Variants in COL6A3 observed in about 807,000 individuals in gnomAD.
COL6A3 encodes collagen alpha-3(VI) chain.
Under a neutral mutation model 274.1 loss-of-function variants are expected in COL6A3, and 137 were observed. That is an observed-to-expected ratio of 0.50 (90% CI 0.44 to 0.58). COL6A3 has a LOEUF of 0.58. COL6A3 is among the 20% of genes least tolerant of loss of function. The pLI is 0.00. For synonymous variants in COL6A3, 1,650 were observed against 1,650.6 expected, an observed-to-expected ratio of 1.00 and a Z score of 0.01; for missense variants, 3,950 against 4,124.9, an observed-to-expected ratio of 0.96 and a Z score of 1.16.
At chr2:237,338,282 C>G (rs1055690662) in intron 39 of COL6A3, among the ~76,000 whole-genome samples, 14 of 152,166 alleles carry the variant, frequency 9.2e-5, no homozygotes, top group Non-Finnish European at 1.3e-4. Flanking sequence ...CAAACCCAAG[C>G]TAGCCTGCTG....
chr2:237,351,005 G>T, intron 27 of COL6A3, 125 bp downstream of exon 27: 2 of 879,414 alleles, frequency 2.3e-6, no homozygotes, highest in Non-Finnish European at 3.8e-6. Context: ...ATCAACAGGG[G>T]AGGCTGGAGT....
chr2:237,367,089 T>C lies in COL6A3; in HGVS notation c.5098A>G (p.Arg1700Gly), dbSNP rs775672241. 8 of 1,614,236 alleles carry C rather than the reference T, an allele frequency of 5.0e-6. No individual in the cohort carries two copies. The South Asian group carries it at 8.8e-5, about 18-fold the overall frequency. Residue 1700 changes from arginine (R) to glycine (G), a missense_variant, in exon 11 of 44, where the codon AGG becomes GGG. By Grantham distance (125) the Arg-to-Gly change is moderately radical. This residue lies in a region of COL6A3 where 632 missense variants were observed against 623.4 expected (regional missense o/e 1.01). Transcript: ENST00000295550. The part of the protein sequence containing the change: ...EFFLKDFSTK[R>G]QIIDAINKVV... ...TTGTTGATGGCGTCAATAATCTGCC[T>C]CTTGGTAGAGAAGTCCTTCAGGAAG... is the stretch of plus-strand genomic sequence containing the variant.
Position 237,354,932 on chromosome 2 carries a change from A to C in COL6A3, c.6594T>G (p.Gly2198=). ...CGGGGGGTCCCCTTCGGCCAAAGCC[A>C]CCCTGTGGAAGAAAAAGTCCCACAA... The part of the protein sequence containing the change: ...PGGPGETGKN[G]GFGRRGPPGA... The change falls in exon 24 of 44, where the codon GGT becomes GGG. Residue 2198 remains glycine, a splice_region_variant and synonymous_variant. Coordinates refer to ENST00000295550, the MANE Select transcript of COL6A3 (RefSeq NM_004369.4). The C allele has an allele frequency of 6.2e-7, 1 of 1,613,742 alleles. No individual in the cohort carries two copies. The highest frequency in any genetic ancestry group is 8.5e-7 in the Non-Finnish European group (1 of 1,179,852).
chr2:237,355,962 G>C (rs1035199709), intron 23 of COL6A3, among the ~76,000 whole-genome samples: 1 of 152,150 alleles, frequency 6.6e-6, no homozygotes, highest in Non-Finnish European at 1.5e-5. Context: ...GGCCGCCTGC[G>C]GAGACTCTAG....
Position 237,340,741 on chromosome 2 carries a change from A to T in COL6A3, c.8175T>A (p.Asn2725Lys). The T allele has an allele frequency of 6.2e-7, 1 of 1,614,106 alleles. No individual in the cohort carries two copies. Among genetic ancestry groups the T allele is most frequent in the Non-Finnish European group, 8.5e-7 (1 of 1,180,024 alleles). ...GTGGGTTTGGGGCACTTTCAAAGAC[A>T]TTCTCTATGGTGTATTCAATGGCAC... ...LGSAIEYTIE[N>K]VFESAPNPRD... The change falls in exon 38 of 44, where the codon AAT (asparagine) becomes AAA (lysine). Residue 2725 changes from asparagine (N) to lysine (K), a missense_variant. Physicochemically the swap from Asn to Lys is moderately conservative, Grantham distance 94. Transcript: ENST00000295550.
chr2:237,336,393 G>A lies in COL6A3; in HGVS notation c.8707C>T (p.Pro2903Ser). The change falls in exon 40 of 44, where the codon CCA becomes TCA. Residue 2903 changes from proline to serine, a missense_variant. This residue lies in a region of COL6A3 where 1,284 missense variants were observed against 1,349.7 expected (regional missense o/e 0.95). Transcript: ENST00000295550. Reference protein sequence around the residue: ...TTKPVTIINQPSVKPAAAKPA... With the variant: ...TTKPVTIINQSSVKPAAAKPA... ...TTTGCAGCGGCTGGCTTCACAGATG[G>A]CTGATTTATAATAGTCACAGGCTTT... 6.2e-7 allele frequency: 1 copy of A among 1,614,238 alleles called. No homozygotes were observed. The highest frequency in any genetic ancestry group is 8.5e-7 in the Non-Finnish European group (1 of 1,180,052).
chr2:237,348,475 G>C (rs2077141178), intron 29 of COL6A3, 91 bp from the exon 30 acceptor site: 1 of 1,340,468 alleles, frequency 7.5e-7, no homozygotes, highest in Admixed American at 1.7e-5. Context: ...TGTCTGCTGA[G>C]TCATCAAACG....
chr2:237,344,024 G>A lies in COL6A3; in HGVS notation c.7668+326C>T, dbSNP rs979927497. On this transcript the variant is annotated intron_variant, in intron 36 of 43. Transcript: ENST00000295550. The surrounding 1 kb of genome is among the most constrained non-coding windows in gnomAD (Gnocchi z 4.8). The stretch of plus-strand genomic sequence containing the variant: ...AGACAGGAAGGATGCAAACGTCCAG[G>A]TCCTCATGAATAAAGCAAACAAGTC... 9.6e-6 allele frequency: 4 copies of A among 415,512 alleles called. No individual in the cohort carries two copies. The highest frequency in any genetic ancestry group is 1.8e-5 in the Non-Finnish European group (4 of 221,210). 25.7% of individuals were successfully genotyped at this position (415,512 alleles called of 1,614,324 possible). A position where few individuals can be genotyped will look rare whatever the true frequency, so the allele number is the denominator to read the frequency against.
intron 1 of COL6A3, among the ~76,000 whole-genome samples, chr2:237,408,421 T>C (rs1357384580): frequency 6.6e-6 from 1 of 152,196 alleles, no homozygotes; most frequent in African/African-American, 2.4e-5. Context: ...CAGAGCACCC[T>C]GGTGCACCGC....
chr2:237,362,439 A>G (rs1160554262), intron 14 of COL6A3, among the ~76,000 whole-genome samples: 1 of 152,248 alleles, frequency 6.6e-6, no homozygotes, highest in Non-Finnish European at 1.5e-5. Flanking sequence ...GGGAAAGGGC[A>G]TGCCCAAATA....
intron 26 of COL6A3, 28 bp from the exon 27 acceptor site, chr2:237,351,220 G>C (rs1459842991): frequency 6.2e-7 from 1 of 1,612,076 alleles, no homozygotes; most frequent in Non-Finnish European, 8.5e-7. Flanking sequence ...GAATGTGTCA[G>C]TGAAGTGGCC....
chr2:237,341,543 T>TA (rs71039760), intron 37 of COL6A3, among the ~76,000 whole-genome samples: 1,689 of 49,100 alleles, frequency 0.034, 211 homozygotes, highest in African/African-American at 0.12. Context: ...AGACTCTGTC[T>TA]AAAAAAAAAA....
rs79313758 is a variant in COL6A3, at chr2:237,340,906, C to T, written c.8010G>A (p.Ala2670=). The T allele has an allele frequency of 9.0e-4, 1,454 of 1,613,218 alleles. 9 individuals carry two copies. In the African/African-American group the frequency reaches 0.015, roughly 17 times the overall value. The change falls in exon 38 of 44, where the codon GCG becomes GCA. Residue 2670 remains alanine, a synonymous_variant. Transcript: ENST00000295550. ...TGGCATTGTCCACGGACTCAGAGGG[C>T]GCGTGCTGCACAACTGCCACTCTGG... is the stretch of plus-strand genomic sequence containing the variant. ...HFARVAVVQH[A]PSESVDNASM...
At chr2:237,326,883 A>C (rs1699974079) in intron 42 of COL6A3, 1 of 152,280 alleles carries the variant, frequency 6.6e-6, no homozygotes, top group African/African-American at 2.4e-5. Context: ...TCAAAGGTGC[A>C]CAGGACTGAG....
At chr2:237,343,341 A>G (rs2077028624) in intron 36 of COL6A3, 1 of 151,232 alleles carries the variant, frequency 6.6e-6, no homozygotes, top group African/African-American at 2.4e-5. Context: ...ACTAAAAAAA[A>G]AAAAAAGAAA....
At chr2:237,349,161 C>T (rs2077155365) in intron 28 of COL6A3, among the ~76,000 whole-genome samples, 1 of 151,868 alleles carries the variant, frequency 6.6e-6, no homozygotes, top group Non-Finnish European at 1.5e-5. Context: ...AACACCTCCC[C>T]CCAGCATGCT....
chr2:237,339,234 T>C, intron 38 of COL6A3, 117 bp from the exon 39 acceptor site: 1 of 761,650 alleles, frequency 1.3e-6, no homozygotes, highest in Non-Finnish European at 2.2e-6. Flanking sequence ...ATAATTATTG[T>C]TGAATTAACT....
In COL6A3 at chr2:237,374,160, C is replaced by T. The variant is rs1050078280; in HGVS notation, c.3679+252G>A. ...AAGTTAAGGAGTCCTGAATTCCAAGCTGCACATATGTCCCTTTTGGAGAAT... is the reference window on the plus strand; with the variant it reads ...AAGTTAAGGAGTCCTGAATTCCAAGTTGCACATATGTCCCTTTTGGAGAAT... On this transcript the variant is annotated intron_variant, in intron 8 of 43. Coordinates refer to ENST00000295550, the MANE Select transcript of COL6A3 (RefSeq NM_004369.4). The surrounding 1 kb of genome is among the most constrained non-coding windows in gnomAD (Gnocchi z 4.8). 6.6e-6 allele frequency among the ~76,000 whole-genome samples: 1 copy of T among 152,250 alleles called. No homozygotes were observed. The highest frequency in any genetic ancestry group is 2.4e-5 in the African/African-American group (1 of 41,460).
rs757551254 is a variant in COL6A3 at position 237,366,735 on chromosome 2, C to T, written c.5452G>A (p.Asp1818Asn). The stretch of plus-strand genomic sequence containing the variant: ...GGGCAAAGGGTTTCATGCATCGCAT[C>T]ATGCAAAGTTTCCAAAACTTGCTCG... ...LSEQVLETLH[D>N]AMHETLCPGV... The change falls in exon 11 of 44, where the codon GAT (aspartate) becomes AAT (asparagine). Residue 1818 changes from aspartate (D) to asparagine (N), a missense_variant. Coordinates refer to ENST00000295550, the MANE Select transcript of COL6A3 (RefSeq NM_004369.4). The T allele has an allele frequency of 1.1e-5, 17 of 1,614,162 alleles. No individual in the cohort carries two copies. The highest frequency in any genetic ancestry group is 1.7e-5 in the Admixed American group (1 of 60,012).
Sources: allele counts gnomAD v4.1 joint callset (sites outside exome capture counted in the v4.1 genomes callset), GRCh38; gene constraint gnomAD v4.1.1; regional missense constraint gnomAD v4.1.1; non-coding constraint Gnocchi (gnomAD v3.1); transcripts MANE v1.5; gene names NCBI Gene and HGNC (gene_info 2026-07-23, HGNC 2026-07-21).